Variants in FHL2 observed in about 807,000 individuals in gnomAD.
FHL2 encodes four and a half LIM domains protein 2.
Under a neutral mutation model 32.7 loss-of-function variants are expected in FHL2, and 20 were observed. That is an observed-to-expected ratio of 0.61 (90% CI 0.43 to 0.89). The LOEUF is 0.89. FHL2 is among the 40% of genes least tolerant of loss of function. FHL2 has a pLI of 0.00. For missense variants in FHL2, 311 were observed against 358.6 expected (o/e 0.87, Z 1.07); for synonymous variants, 123 against 128.1 (o/e 0.96, Z 0.27).
rs70953506 is a variant in FHL2, at chr2:105,388,833, C to CAA, written c.-24-2295_-24-2294dup. ...TGGGCAACAGAGCGAGACTCCGTCT[C>CAA]AAAAAAAAAAAATAGGTACACTGGT... On this transcript the variant is annotated intron_variant, in intron 2 of 6. Transcript: ENST00000530340. Among the ~76,000 whole-genome samples the CAA allele has an allele frequency of 2.9e-3, 420 of 145,668 alleles. 3 individuals are homozygous for CAA. Among genetic ancestry groups the CAA allele is most frequent in the Middle Eastern group, 0.01 (3 of 286 alleles).
chr2:105,395,572 G>A (rs573119964), intron 2 of FHL2, among the ~76,000 whole-genome samples: 3 of 152,172 alleles, frequency 2.0e-5, no homozygotes, highest in African/African-American at 7.2e-5. Flanking sequence ...GGTTTCTCTG[G>A]CGCACTGCAA....
upstream of FHL2, among the ~76,000 whole-genome samples, chr2:105,404,017 G>A (rs1216391227): frequency 1.3e-5 from 2 of 152,198 alleles, no homozygotes; most frequent in African/African-American, 4.8e-5. Context: ...GGGGGAGGCT[G>A]GTGGGCTAGA....
intron 2 of FHL2, among the ~76,000 whole-genome samples, chr2:105,391,300 A>G (rs1682713930): frequency 6.6e-6 from 1 of 152,162 alleles, no homozygotes; most frequent in Admixed American, 6.5e-5. Flanking sequence ...ATATATACCA[A>G]ACAGACTACC....
chr2:105,363,832 T>C (rs563217566), intron 5 of FHL2, among the ~76,000 whole-genome samples: 1 of 152,258 alleles, frequency 6.6e-6, no homozygotes, highest in African/African-American at 2.4e-5. Context: ...AGACCTGGGT[T>C]TGAATCCTAA....
rs371592020 is a variant in FHL2, at chr2:105,376,141, C to T, written c.157-2408G>A. ...CCCCATCTGTGAGCTCCAGGCACGGCACAGCCCTGCAAGGTAAATGTTATT... is the reference window on the plus strand; with the variant it reads ...CCCCATCTGTGAGCTCCAGGCACGGTACAGCCCTGCAAGGTAAATGTTATT... On this transcript the variant is annotated intron_variant, in intron 3 of 6. Transcript: ENST00000530340. 6 of 152,312 alleles carry T rather than the reference C, an allele frequency of 3.9e-5. No homozygotes were observed. In the South Asian group the frequency reaches 8.3e-4, roughly 21 times the overall value. 9.4% of individuals were successfully genotyped at this position (152,312 alleles called of 1,614,324 possible). A position where few individuals can be genotyped will look rare whatever the true frequency, so the allele number is the denominator to read the frequency against.
At chr2:105,367,816 C>G in intron 4 of FHL2, 77 bp from the exon 5 acceptor site, 1 of 1,448,592 alleles carries the variant, frequency 6.9e-7, no homozygotes, top group Non-Finnish European at 9.4e-7. Flanking sequence ...GCCTTCAGAG[C>G]TTGCTGCCCT....
At chr2:105,412,933 G>A (rs1370096062) in intron 1 of FHL2, among the ~76,000 whole-genome samples, 2 of 152,148 alleles carry the variant, frequency 1.3e-5, no homozygotes, top group African/African-American at 4.8e-5. Flanking sequence ...GTGTGGAGAC[G>A]GTGATGTAAG....
At chr2:105,403,839 T>C (rs1055287865), upstream of FHL2, among the ~76,000 whole-genome samples, 4 of 152,244 alleles carry the variant, frequency 2.6e-5, no homozygotes. Flanking sequence ...CTCTGTCAGT[T>C]ACTTCACTCA....
intron 1 of FHL2, among the ~76,000 whole-genome samples, chr2:105,420,859 C>T (rs572504962): frequency 5.0e-4 from 76 of 152,274 alleles, no homozygotes; most frequent in African/African-American, 1.7e-3. Context: ...AGGTGGAGCT[C>T]AGTGGGGAAT....
intron 1 of FHL2, among the ~76,000 whole-genome samples, chr2:105,434,073 C>T (rs542680107): frequency 1.3e-5 from 2 of 152,336 alleles, no homozygotes; most frequent in South Asian, 4.1e-4. Flanking sequence ...TGTTCTCAGC[C>T]TCTGCTAATT....
chr2:105,403,969 C>G (rs571989034), upstream of FHL2, among the ~76,000 whole-genome samples: 8 of 152,282 alleles, frequency 5.3e-5, no homozygotes, highest in Admixed American at 5.2e-4. Context: ...GGCTTCTAGG[C>G]GTGTGCTCGC....
At chr2:105,431,670 T>C (rs919444799) in intron 1 of FHL2, among the ~76,000 whole-genome samples, 2 of 152,222 alleles carry the variant, frequency 1.3e-5, no homozygotes, top group African/African-American at 4.8e-5. Flanking sequence ...GTTAGGATTT[T>C]ATTTTGACTT....
In FHL2 at chr2:105,420,216, G is replaced by A. The variant is rs568255591; in HGVS notation, c.-25+18183C>T. On this transcript the variant is annotated intron_variant, in intron 1 of 5. Transcript: ENST00000393352. ...TTCTGAGGGCTGTGAGGGAGCATTT[G>A]CTCCATGCCTCTCCCTAGCTGCTGG... is the stretch of plus-strand genomic sequence containing the variant. Among the ~76,000 whole-genome samples, 8 of 152,326 alleles carry A rather than the reference G, an allele frequency of 5.3e-5. No individual in the cohort carries two copies. The South Asian group carries it at 1.5e-3, about 28-fold the overall frequency.
In FHL2 at chr2:105,430,454, G is replaced by A. The variant is rs137949786; in HGVS notation, c.-25+7945C>T. Among the ~76,000 whole-genome samples, 1,500 of 152,272 alleles carry A rather than the reference G, an allele frequency of 9.9e-3. 26 individuals carry two copies. The highest frequency in any genetic ancestry group is 0.034 in the African/African-American group (1,429 of 41,552). ...GGCCAAGGCGGGCAGATCACCCGAG[G>A]TCAGGAGTTTGAGACCAGCCGGGCC... On this transcript the variant is annotated intron_variant, in intron 1 of 5. Transcript: ENST00000393352.
At chr2:105,361,853 CT>C (rs770558851) in intron 6 of FHL2, among the ~76,000 whole-genome samples, 2 of 152,046 alleles carry the variant, frequency 1.3e-5, no homozygotes, top group Non-Finnish European at 2.9e-5. Flanking sequence ...AAGGTTAATC[CT>C]CCCTGGGATG....
At chr2:105,366,755 T>C (rs1249942569) in intron 5 of FHL2, among the ~76,000 whole-genome samples, 1 of 152,222 alleles carries the variant, frequency 6.6e-6, no homozygotes, top group Non-Finnish European at 1.5e-5. Flanking sequence ...TTTATTTTTT[T>C]AATTTTTTGA....
chr2:105,372,666 G>A (rs1257175678), intron 4 of FHL2, among the ~76,000 whole-genome samples: 2 of 152,130 alleles, frequency 1.3e-5, no homozygotes, highest in Non-Finnish European at 1.5e-5. Flanking sequence ...GTGCACGCCT[G>A]TAGTCTCAGC....
At chr2:105,395,485 G>A (rs190614162) in intron 2 of FHL2, among the ~76,000 whole-genome samples, 1 of 152,216 alleles carries the variant, frequency 6.6e-6, no homozygotes, top group African/African-American at 2.4e-5. Flanking sequence ...CCCCCATGCT[G>A]GCCTTTCTCT....
chr2:105,392,415 T>C (rs1006078419), intron 2 of FHL2, among the ~76,000 whole-genome samples: 1 of 151,932 alleles, frequency 6.6e-6, no homozygotes, highest in Non-Finnish European at 1.5e-5. Context: ...GAGGCTGCAG[T>C]GAGCCATGAT....
Sources: gnomAD v4.1 joint callset for allele counts (sites outside exome capture counted in the v4.1 genomes callset) on GRCh38, gnomAD v4.1.1 for gene constraint, MANE v1.5 for transcripts, NCBI Gene and HGNC (gene_info 2026-07-23, HGNC 2026-07-21) for gene names.